The following HDHD5 variants were observed in gnomAD, a reference collection of about 807,000 sequenced individuals.
HDHD5 encodes haloacid dehalogenase like hydrolase domain containing 5.
Under a neutral mutation model 35.5 loss-of-function variants are expected in HDHD5, and 34 were observed. The ratio of observed to expected loss-of-function variants is 0.96; its 90% confidence interval spans 0.73 to 1.28. HDHD5 has a LOEUF of 1.28. Ranked by LOEUF, HDHD5 falls within the 50% of genes most tolerant of loss-of-function variation. HDHD5 has a pLI of 0.00. For missense variants in HDHD5, 589 were observed against 560.2 expected (o/e 1.05, Z -0.52); for synonymous variants, 248 against 240.6 (o/e 1.03, Z -0.29).
intron 1 of HDHD5, among the ~76,000 whole-genome samples, chr22:17,152,273 C>T (rs2061735119): frequency 1.1e-5 from 1 of 90,458 alleles, no homozygotes; most frequent in East Asian, 3.2e-4. Context: ...ATTGGGTGGA[C>T]TGAAGGGAGT....
intron 1 of HDHD5, 98 bp from the exon 2 acceptor site, chr22:17,149,843 T>A: frequency 1.0e-6 from 1 of 971,504 alleles, no homozygotes; most frequent in Non-Finnish European, 1.5e-6. Context: ...TCATGTCCCT[T>A]GAAAACCTAT....
At chr22:17,146,080 C>T (rs761248928) in intron 3 of HDHD5, among the ~76,000 whole-genome samples, 1 of 152,136 alleles carries the variant, frequency 6.6e-6, no homozygotes, top group Non-Finnish European at 1.5e-5. Flanking sequence ...CTTTCCACTG[C>T]CCTGAGAAGT....
chr22:17,158,220 C>G (rs555230659), intron 1 of HDHD5, among the ~76,000 whole-genome samples: 1 of 152,072 alleles, frequency 6.6e-6, no homozygotes, highest in African/African-American at 2.4e-5. Flanking sequence ...ACTCGGGAGG[C>G]TGAGACAGAA....
chr22:17,154,637 G>C (rs77243639), intron 1 of HDHD5, among the ~76,000 whole-genome samples: 5,738 of 133,356 alleles, frequency 0.043, 232 homozygotes, highest in South Asian at 0.19. Context: ...TTTTTTGGTT[G>C]AGACAAGACA....
chr22:17,149,810 G>A, intron 1 of HDHD5, 65 bp from the exon 2 acceptor site: 1 of 1,424,524 alleles, frequency 7.0e-7, no homozygotes. Flanking sequence ...ACAAAGAGAG[G>A]CTCAACACCA....
At chr22:17,145,422 A>C (rs1202737971) in intron 3 of HDHD5, among the ~76,000 whole-genome samples, 1 of 152,202 alleles carries the variant, frequency 6.6e-6, no homozygotes, top group South Asian at 2.1e-4. Context: ...CTCTGTCCCC[A>C]GCTGGGTGCA....
At position 17,148,540 on chromosome 22, in the gene HDHD5, G is replaced by A. The variant is rs2061691322; in HGVS notation, c.351C>T (p.Ile117=). 2 of 1,614,136 alleles carry A rather than the reference G, an allele frequency of 1.2e-6. No homozygotes were observed. The highest frequency in any genetic ancestry group is 1.7e-6 in the Non-Finnish European group (2 of 1,180,002). ...LGCEVDADQV[I]LSHSPMKLFS... ...AGAGCTTCATGGGGCTGTGAGAGAG[G>A]ATAACTTGGTCTGCATCCACCTGTA... The change falls in exon 3 of 8, where the codon ATC becomes ATT. Residue 117 remains isoleucine, a synonymous_variant. Coordinates refer to ENST00000336737, the MANE Select transcript of HDHD5 (RefSeq NM_033070.3).
intron 2 of HDHD5, 35 bp downstream of exon 2, chr22:17,149,507 T>A (rs1187493997): frequency 1.2e-6 from 2 of 1,601,364 alleles, no homozygotes; most frequent in Non-Finnish European, 1.7e-6. Flanking sequence ...AGGAACCAGG[T>A]CCTTGGGCTT....
At chr22:17,149,970 A>G (rs1333966622) in intron 1 of HDHD5, among the ~76,000 whole-genome samples, 1 of 152,178 alleles carries the variant, frequency 6.6e-6, no homozygotes, top group Non-Finnish European at 1.5e-5. Context: ...TCGCTTTTAC[A>G]GAGTCTTCCC....
chr22:17,147,940 A>G lies in HDHD5; in HGVS notation c.443+508T>C, dbSNP rs182809967. Among the ~76,000 whole-genome samples the G allele has an allele frequency of 5.9e-5, 9 of 152,372 alleles. No homozygotes were observed. The East Asian group carries it at 1.5e-3, about 26-fold the overall frequency. On this transcript the variant is annotated intron_variant, in intron 3 of 7. Transcript: ENST00000336737. ...CCTCGTCCCATTCAGAGTGTGCGGC[A>G]GACCGCTGGTACACAGGACGTGCTC...
chr22:17,140,037 T>C (rs1209261333), intron 6 of HDHD5, among the ~76,000 whole-genome samples: 1 of 152,114 alleles, frequency 6.6e-6, no homozygotes, highest in Non-Finnish European at 1.5e-5. Flanking sequence ...TCAGAGACAA[T>C]GCCAAGCCTC....
chr22:17,165,211 G>A lies in HDHD5; in HGVS notation c.34C>T (p.Gln12Ter). The stretch of plus-strand genomic sequence containing the variant: ...GGGGAAGAGGAAACGTGAGTTACCT[G>A]AGAGAAGCTGGGAAGAAAGAACCAA... The change falls in exon 1 of 8, where the codon CAG becomes TAG. Residue 12 changes from glutamine to a stop codon, truncating the protein, a stop_gained and splice_region_variant. Transcript: ENST00000155674. LOFTEE classifies it high-confidence loss of function. 1.3e-6 allele frequency: 1 copy of A among 777,658 alleles called. No individual in the cohort carries two copies. The highest frequency in any genetic ancestry group is 2.4e-6 in the Non-Finnish European group (1 of 416,314). The allele number at this position is 777,658 out of a possible 1,614,324, so 48.2% of individuals were successfully genotyped here. A position where few individuals can be genotyped will look rare whatever the true frequency, so the allele number is the denominator to read the frequency against.
chr22:17,140,419 C>T (rs539879690), intron 6 of HDHD5, among the ~76,000 whole-genome samples: 1 of 152,094 alleles, frequency 6.6e-6, no homozygotes, highest in Non-Finnish European at 1.5e-5. Flanking sequence ...CTGGTCTATA[C>T]GACTATCAGA....
chr22:17,144,206 T>C (rs1480299093), intron 4 of HDHD5, among the ~76,000 whole-genome samples: 2 of 152,058 alleles, frequency 1.3e-5, no homozygotes, highest in Non-Finnish European at 2.9e-5. Flanking sequence ...CAGCTAATTA[T>C]AAGCAATACA....
At chr22:17,155,538 C>A (rs559561710) in intron 1 of HDHD5, among the ~76,000 whole-genome samples, 1 of 152,108 alleles carries the variant, frequency 6.6e-6, no homozygotes, top group Non-Finnish European at 1.5e-5. Context: ...ACCCACCGCG[C>A]CCGGCCCAAG....
intron 7 of HDHD5, 65 bp from the exon 8 acceptor site, chr22:17,138,422 C>T (rs2061559890): frequency 8.9e-6 from 14 of 1,567,794 alleles, no homozygotes; most frequent in African/African-American, 1.4e-5. Flanking sequence ...TGTTGCAAAG[C>T]AAAGGGAGCA....
intron 1 of HDHD5, among the ~76,000 whole-genome samples, chr22:17,155,926 A>G (rs1262695997): frequency 1.3e-5 from 2 of 152,228 alleles, no homozygotes; most frequent in African/African-American, 4.8e-5. Context: ...TGAAGGGTTC[A>G]GCAGCTTTTA....
chr22:17,155,541 G>C (rs533345559), intron 1 of HDHD5, among the ~76,000 whole-genome samples: 1 of 151,876 alleles, frequency 6.6e-6, no homozygotes, highest in African/African-American at 2.4e-5. Context: ...CACCGCGCCC[G>C]GCCCAAGATC....
At chr22:17,157,115 A>ACACACACACACACACACACACACACAC (rs1244963563) in intron 1 of HDHD5, among the ~76,000 whole-genome samples, 1 of 80,962 alleles carries the variant, frequency 1.2e-5, no homozygotes, top group Non-Finnish European at 2.7e-5. Flanking sequence ...CACACACACA[A>ACACACACACACACACACACACACACAC]AAGAAAAAAG....
Sources: allele counts gnomAD v4.1 joint callset (sites outside exome capture counted in the v4.1 genomes callset), GRCh38; gene constraint gnomAD v4.1.1; transcripts MANE v1.5; gene names NCBI Gene and HGNC (gene_info 2026-07-23, HGNC 2026-07-21).